The following RCC1L variants were observed in gnomAD, a reference collection of about 807,000 sequenced individuals.
RCC1L encodes the protein RCC1-like G exchanging factor-like protein.
In RCC1L, 46 loss-of-function variants were observed where a neutral mutation model predicts 58.6. That is an observed-to-expected ratio of 0.79 (90% confidence interval 0.62 to 1.00). The LOEUF is 1.00. Among genes scored for constraint, RCC1L ranks in the 50% least tolerant of loss-of-function variants. The probability of loss-of-function intolerance (pLI) is 0.00; values close to 1 mark genes in which losing one functional copy is unlikely to be tolerated. For missense variants in RCC1L, 636 were observed against 623.6 expected, an observed-to-expected ratio of 1.02 and a Z score of -0.21; for synonymous variants, 281 against 262.9, an observed-to-expected ratio of 1.07 and a Z score of -0.67.
Position 75,056,053 on chromosome 7 carries a change from C to T in RCC1L, c.1079G>A (p.Trp360Ter). 1 of 1,613,812 alleles carries T rather than the reference C, an allele frequency of 6.2e-7. No homozygotes were observed. The highest frequency in any genetic ancestry group is 8.5e-7 in the Non-Finnish European group (1 of 1,179,808). ...ACCTTTCCCAAGAATTCCATAGCCC[C>T]AGACAAAAACATGTCCTTCTCCTAC... is the stretch of plus-strand genomic sequence containing the variant. ...VLNGEGHVFV[W>*]GYGILGKGPN... Residue 360 changes from tryptophan (W) to a stop codon, truncating the protein, a stop_gained, in exon 9 of 11, where the codon TGG becomes TAG. Coordinates refer to ENST00000610322, the MANE Select transcript of RCC1L (RefSeq NM_030798.5). LOFTEE classifies it high-confidence loss of function.
At chr7:75,072,197 G>A (rs1317020230) in intron 1 of RCC1L, among the ~76,000 whole-genome samples, 1 of 59,790 alleles carries the variant, frequency 1.7e-5, no homozygotes, top group South Asian at 6.3e-4. Context: ...TATATGGAGA[G>A]AGAGAGAGAC....
downstream of RCC1L, among the ~76,000 whole-genome samples, chr7:75,040,276 A>AT (rs1379370124): frequency 6.6e-6 from 1 of 152,196 alleles, no homozygotes. Context: ...CCTGGCCAAC[A>AT]TAACAAAATT....
At chr7:75,055,741 G>T in intron 9 of RCC1L, 160 bp downstream of exon 9, 2 of 827,246 alleles carry the variant, frequency 2.4e-6, no homozygotes, top group Non-Finnish European at 3.9e-6. Context: ...ACAACCTCGA[G>T]GCAAACAACT....
chr7:75,057,669 G>C, intron 7 of RCC1L, 53 bp from the exon 8 acceptor site: 1 of 1,570,758 alleles, frequency 6.4e-7, no homozygotes, highest in Non-Finnish European at 8.8e-7. Flanking sequence ...GTAAGGACCG[G>C]GAAGTGTTCT....
At chr7:75,055,496 G>A (rs990871994) in intron 9 of RCC1L, 8 of 268,744 alleles carry the variant, frequency 3.0e-5, no homozygotes, top group Non-Finnish European at 4.4e-5. Context: ...TCCTGGGTCA[G>A]ATCAGGGTCT....
At chr7:75,064,317 A>G (rs1806380497) in intron 4 of RCC1L, among the ~76,000 whole-genome samples, 1 of 131,978 alleles carries the variant, frequency 7.6e-6, no homozygotes, top group Non-Finnish European at 1.6e-5. Flanking sequence ...CGACAGAGCA[A>G]GAGTCCATCT....
At chr7:75,061,988 G>C (rs1036965172) in intron 5 of RCC1L, among the ~76,000 whole-genome samples, 1 of 152,202 alleles carries the variant, frequency 6.6e-6, no homozygotes, top group Non-Finnish European at 1.5e-5. Flanking sequence ...AGGAGTTCAA[G>C]ACCAGCCTGG....
chr7:75,051,232 A>G (rs992612550), intron 10 of RCC1L, among the ~76,000 whole-genome samples: 1 of 147,858 alleles, frequency 6.8e-6, no homozygotes, highest in Non-Finnish European at 1.5e-5. Flanking sequence ...AATGTATTAT[A>G]TATGTATATA....
At chr7:75,037,485 C>T (rs973611628), downstream of RCC1L, among the ~76,000 whole-genome samples, 9 of 151,422 alleles carry the variant, frequency 5.9e-5, no homozygotes, top group Non-Finnish European at 1.2e-4. Flanking sequence ...TACCACCACC[C>T]CTGGCCATGG....
chr7:75,039,088 T>C (rs1805489728), downstream of RCC1L, among the ~76,000 whole-genome samples: 1 of 152,208 alleles, frequency 6.6e-6, no homozygotes, highest in East Asian at 1.9e-4. Flanking sequence ...GCTCTGCCTG[T>C]CTCGGACCCC....
chr7:75,032,621 C>T (rs1449983689), intron 10 of RCC1L, among the ~76,000 whole-genome samples: 3 of 152,164 alleles, frequency 2.0e-5, no homozygotes, highest in African/African-American at 4.8e-5. Context: ...CCCAACCCTG[C>T]CTCACCCTTG....
chr7:75,059,086 A>G, intron 6 of RCC1L, among the ~76,000 whole-genome samples: 1 of 150,760 alleles, frequency 6.6e-6, no homozygotes, highest in East Asian at 2.0e-4. Flanking sequence ...TCAGCTACTC[A>G]GAAGGCTGAG....
downstream of RCC1L, among the ~76,000 whole-genome samples, chr7:75,041,366 C>T (rs137955391): frequency 0.74 from 111,851 of 151,838 alleles, 41,434 homozygotes; most frequent in East Asian, 0.89. Context: ...GTAAGCTTCA[C>T]GGTGCGGGGA....
At chr7:75,065,992 T>C (rs1165507369) in intron 3 of RCC1L, among the ~76,000 whole-genome samples, 1 of 140,446 alleles carries the variant, frequency 7.1e-6, no homozygotes, top group Non-Finnish European at 1.5e-5. Flanking sequence ...CACTCCAGCC[T>C]GGGCAGCACA....
chr7:75,045,534 T>A (rs1805694019), intron 10 of RCC1L, among the ~76,000 whole-genome samples: 1 of 134,546 alleles, frequency 7.4e-6, no homozygotes, highest in African/African-American at 2.8e-5. Context: ...TTTTTTTTTT[T>A]GAGACGGAGT....
chr7:75,066,603 C>T (rs1806496196), intron 3 of RCC1L, 61 bp downstream of exon 3: 2 of 1,602,308 alleles, frequency 1.2e-6, no homozygotes, highest in East Asian at 4.5e-5. Flanking sequence ...TGATTTGAGG[C>T]TCCAGTTCAC....
At chr7:75,069,713 G>A (rs1450968597) in intron 2 of RCC1L, among the ~76,000 whole-genome samples, 1 of 152,030 alleles carries the variant, frequency 6.6e-6, no homozygotes, top group East Asian at 1.9e-4. Context: ...ACAGGTGCGT[G>A]CCACCATGCC....
chr7:75,066,005 G>A (rs1193722900), intron 3 of RCC1L, among the ~76,000 whole-genome samples: 7 of 127,906 alleles, frequency 5.5e-5, no homozygotes, highest in Non-Finnish European at 9.5e-5. Flanking sequence ...GCAGCACAGC[G>A]AGACTCTGTC....
At chr7:75,032,197 C>T (rs1159799086) in intron 10 of RCC1L, among the ~76,000 whole-genome samples, 1 of 152,108 alleles carries the variant, frequency 6.6e-6, no homozygotes, top group African/African-American at 2.4e-5. Context: ...CCCACCCAGA[C>T]CTTGGGCAGA....
Sources: gnomAD v4.1 joint callset for allele counts (sites outside exome capture counted in the v4.1 genomes callset) on GRCh38, gnomAD v4.1.1 for gene constraint, MANE v1.5 for transcripts, NCBI Gene and HGNC (gene_info 2026-07-23, HGNC 2026-07-21) for gene names.